Variants in CEP89 observed in about 807,000 individuals in gnomAD.
The protein encoded by CEP89 is centrosomal protein 89, also known as centrosomal protein of 89 kDa.
Under a neutral mutation model 97.6 loss-of-function variants are expected in CEP89, and 95 were observed. That is an observed-to-expected ratio of 0.97 (90% CI 0.82 to 1.15). The LOEUF is 1.15. Ranked by LOEUF, CEP89 falls within the 50% of genes most tolerant of loss-of-function variation. The pLI, the probability that CEP89 is intolerant of heterozygous loss-of-function variation, is 0.00. For missense variants in CEP89, 869 were observed against 947.7 expected (o/e 0.92, Z 1.09); for synonymous variants, 354 against 349.1 (o/e 1.01, Z -0.16).
At chr19:32,966,629 A>G (rs1330095488) in intron 1 of CEP89, among the ~76,000 whole-genome samples, 163 bp from the exon 2 acceptor site, 2 of 152,100 alleles carry the variant, frequency 1.3e-5, no homozygotes, top group Non-Finnish European at 2.9e-5. Context: ...AGTCCCCATC[A>G]GGCCAGACAA....
intron 4 of CEP89, among the ~76,000 whole-genome samples, chr19:32,950,140 C>T (rs1005179942): frequency 5.9e-5 from 9 of 151,940 alleles, no homozygotes; most frequent in Non-Finnish European, 1.2e-4. Context: ...TAGGTGTGAG[C>T]CACCACGCAA....
intron 14 of CEP89, among the ~76,000 whole-genome samples, chr19:32,911,626 TG>T (rs1441230756): frequency 3.3e-5 from 5 of 152,202 alleles, no homozygotes; most frequent in South Asian, 4.1e-4. Flanking sequence ...CACTTCAGCC[TG>T]GGTGACAGAG....
intron 17 of CEP89, among the ~76,000 whole-genome samples, chr19:32,883,147 A>C (rs4805818): frequency 1 from 151,918 of 151,920 alleles, 75,958 homozygotes; most frequent in Middle Eastern, 1. Flanking sequence ...CAGGCGTGAG[A>C]CACCGCGCCC....
Position 32,881,961 on chromosome 19 carries a change from A to G in CEP89, c.2018T>C (p.Leu673Pro). ...LKLGDISHRL[L>P]EQQEDFAGKT... ...GCCGGCGAAGTCCTCCTGCTGCTCC[A>G]GCAGACGGTGACTGATGTCCCCCAG... The change falls in exon 18 of 19, where the codon CTG (leucine) becomes CCG (proline). Residue 673 changes from leucine to proline, a missense_variant. Transcript: ENST00000305768. 2.5e-6 allele frequency: 4 copies of G among 1,591,992 alleles called. No homozygotes were observed. The highest frequency in any genetic ancestry group is 1.3e-5 in the African/African-American group (1 of 74,766).
chr19:32,888,717 T>G (rs1012739220), intron 16 of CEP89, among the ~76,000 whole-genome samples: 1 of 152,044 alleles, frequency 6.6e-6, no homozygotes, highest in African/African-American at 2.4e-5. Flanking sequence ...CTAAGACTAT[T>G]GTGTCTCCCA....
intron 1 of CEP89, among the ~76,000 whole-genome samples, chr19:32,968,685 C>T (rs1315672642): frequency 6.6e-6 from 1 of 152,068 alleles, no homozygotes; most frequent in Non-Finnish European, 1.5e-5. Context: ...ATGGTCCCCT[C>T]ATCAATCCTG....
chr19:32,920,211 A>G (rs1970219570), intron 12 of CEP89, among the ~76,000 whole-genome samples: 1 of 151,514 alleles, frequency 6.6e-6, no homozygotes, highest in Non-Finnish European at 1.5e-5. Flanking sequence ...CTAATTTTTA[A>G]TTGTTTTGTT....
intron 13 of CEP89, 23 bp downstream of exon 13, chr19:32,918,201 A>T: frequency 6.5e-7 from 1 of 1,528,922 alleles, no homozygotes; most frequent in South Asian, 1.1e-5. Context: ...ATGCATGACC[A>T]GTCCTCACTG....
intron 3 of CEP89, among the ~76,000 whole-genome samples, chr19:32,959,322 A>C (rs894878448): frequency 6.6e-6 from 1 of 152,048 alleles, no homozygotes; most frequent in African/African-American, 2.4e-5. Context: ...CTAGCCCTTG[A>C]GCTGTTCCTA....
chr19:32,954,328 A>C lies in CEP89; in HGVS notation c.306-527T>G, dbSNP rs139879886. ...TTCTGTTTTTAGAGTTACTGCATACATATACAATTTGTCTTGTTATGAATA... is the reference window on the plus strand; with the variant it reads ...TTCTGTTTTTAGAGTTACTGCATACCTATACAATTTGTCTTGTTATGAATA... On this transcript the variant is annotated intron_variant, in intron 3 of 18. Coordinates refer to ENST00000305768, the MANE Select transcript of CEP89 (RefSeq NM_032816.5). Among the ~76,000 whole-genome samples, 433 of 151,960 alleles carry C rather than the reference A, an allele frequency of 2.8e-3. 2 individuals are homozygous for C. Among genetic ancestry groups the C allele is most frequent in the African/African-American group, 0.01 (418 of 41,468 alleles).
intron 3 of CEP89, among the ~76,000 whole-genome samples, chr19:32,954,115 C>T (rs1353989330): frequency 5.9e-5 from 9 of 152,076 alleles, no homozygotes; most frequent in South Asian, 2.1e-4. Context: ...CCTCGTGATC[C>T]GCCCGCCTCG....
intron 17 of CEP89, among the ~76,000 whole-genome samples, chr19:32,887,186 G>A (rs1289958882): frequency 4.0e-5 from 6 of 151,632 alleles, no homozygotes; most frequent in African/African-American, 1.5e-4. Context: ...GTGAGATCCT[G>A]TCTCTCCTTT....
chr19:32,921,738 G>T (rs1481632603), intron 12 of CEP89, among the ~76,000 whole-genome samples: 3 of 152,086 alleles, frequency 2.0e-5, no homozygotes, highest in Non-Finnish European at 4.4e-5. Context: ...TGCGAGGGGA[G>T]ACACACTAGG....
chr19:32,926,795 C>G, intron 10 of CEP89, 139 bp downstream of exon 10: 1 of 701,894 alleles, frequency 1.4e-6, no homozygotes, highest in Non-Finnish European at 2.5e-6. Context: ...CCCTTGACCT[C>G]AACTGATCCA....
intron 14 of CEP89, among the ~76,000 whole-genome samples, chr19:32,902,750 G>A (rs990318139): frequency 6.6e-6 from 1 of 152,200 alleles, no homozygotes; most frequent in Non-Finnish European, 1.5e-5. Context: ...TTCACGGAGC[G>A]AGAAAGGGCT....
At chr19:32,887,362 C>A (rs1057466795) in intron 17 of CEP89, among the ~76,000 whole-genome samples, 1 of 151,622 alleles carries the variant, frequency 6.6e-6, no homozygotes, top group African/African-American at 2.4e-5. Context: ...AGACTACAGG[C>A]AAGCACCACC....
At chr19:32,938,417 A>G (rs1970621075) in intron 6 of CEP89, among the ~76,000 whole-genome samples, 2 of 152,190 alleles carry the variant, frequency 1.3e-5, no homozygotes, top group Admixed American at 1.3e-4. Context: ...AATGCTGAGA[A>G]AGGAACAGTA....
intron 11 of CEP89, among the ~76,000 whole-genome samples, chr19:32,924,136 C>T (rs865814731): frequency 2.0e-5 from 3 of 151,674 alleles, no homozygotes; most frequent in Middle Eastern, 6.8e-3. Flanking sequence ...TTCCCAAGTA[C>T]CTGTACTACT....
intron 7 of CEP89, among the ~76,000 whole-genome samples, chr19:32,935,231 C>A (rs1050585793): frequency 6.6e-6 from 1 of 152,160 alleles, no homozygotes; most frequent in African/African-American, 2.4e-5. Context: ...AGGCAGCAGT[C>A]GGTACAGCCT....
Sources: gnomAD v4.1 joint callset for allele counts (sites outside exome capture counted in the v4.1 genomes callset) on GRCh38, gnomAD v4.1.1 for gene constraint, MANE v1.5 for transcripts, NCBI Gene and HGNC (gene_info 2026-07-23, HGNC 2026-07-21) for gene names.